Variants in RAP1GAP observed in about 807,000 individuals in gnomAD.
RAP1GAP encodes rap1 GTPase-activating protein 1.
In RAP1GAP, 35 loss-of-function variants were observed where a neutral mutation model predicts 87.2. The observed-to-expected ratio is 0.40, with a 90% confidence interval of 0.31 to 0.53. The LOEUF (loss-of-function observed/expected upper bound fraction) is 0.53. Among genes scored for constraint, RAP1GAP ranks in the 20% least tolerant of loss-of-function variants. The pLI is 0.48. For synonymous variants in RAP1GAP, 375 were observed against 363.9 expected, an observed-to-expected ratio of 1.03 and a Z score of -0.35; for missense variants, 734 against 898.9, an observed-to-expected ratio of 0.82 and a Z score of 2.35.
At chr1:21,602,753 G>T (rs2148769908) in intron 19 of RAP1GAP, 51 bp downstream of exon 19, 1 of 1,497,530 alleles carries the variant, frequency 6.7e-7, no homozygotes. Flanking sequence ...ACCGAATGGG[G>T]CTCAGGGATG....
chr1:21,646,401 G>A (rs74062910), intron 2 of RAP1GAP, among the ~76,000 whole-genome samples: 4,345 of 152,288 alleles, frequency 0.029, 96 homozygotes, highest in African/African-American at 0.067. Flanking sequence ...AGAAGAGCTG[G>A]ATTCAAATCC....
intron 1 of RAP1GAP, among the ~76,000 whole-genome samples, chr1:21,667,844 C>T (rs1170527637): frequency 6.6e-6 from 1 of 152,168 alleles, no homozygotes; most frequent in Non-Finnish European, 1.5e-5. Flanking sequence ...GGAAATTGCT[C>T]GTGCCACCTG....
intron 1 of RAP1GAP, among the ~76,000 whole-genome samples, chr1:21,658,541 C>T (rs1377045563): frequency 6.6e-6 from 1 of 151,840 alleles, no homozygotes; most frequent in Non-Finnish European, 1.5e-5. Flanking sequence ...ACACTCTAGC[C>T]TGGAGTTTTT....
intron 2 of RAP1GAP, among the ~76,000 whole-genome samples, chr1:21,628,010 C>T (rs532350720): frequency 3.9e-5 from 6 of 152,156 alleles, no homozygotes; most frequent in Non-Finnish European, 5.9e-5. Flanking sequence ...AAACATTCAT[C>T]GCAGAGCCTG....
chr1:21,649,281 G>T (rs112515551), intron 2 of RAP1GAP, among the ~76,000 whole-genome samples: 5 of 152,260 alleles, frequency 3.3e-5, no homozygotes, highest in African/African-American at 1.2e-4. Flanking sequence ...CTGTCGGGGG[G>T]AGTAACTAGA....
intron 1 of RAP1GAP, among the ~76,000 whole-genome samples, chr1:21,653,518 C>T (rs759411131): frequency 1.5e-4 from 22 of 151,490 alleles, no homozygotes; most frequent in Admixed American, 1.2e-3. Context: ...CCTGAGAGCA[C>T]TGAAGTTTGC....
intron 2 of RAP1GAP, among the ~76,000 whole-genome samples, chr1:21,647,827 T>C (rs1259103928): frequency 6.6e-6 from 1 of 151,822 alleles, no homozygotes; most frequent in Non-Finnish European, 1.5e-5. Flanking sequence ...CAACAAATGG[T>C]GACAAAGTTG....
chr1:21,606,287 C>A, intron 17 of RAP1GAP, 90 bp from the exon 18 acceptor site: 1 of 1,487,430 alleles, frequency 6.7e-7, no homozygotes, highest in South Asian at 1.2e-5. Flanking sequence ...TGGTCTCTCC[C>A]CAGCAATGCC....
At chr1:21,600,348 C>G (rs894552510) in intron 20 of RAP1GAP, among the ~76,000 whole-genome samples, 1 of 152,202 alleles carries the variant, frequency 6.6e-6, no homozygotes, top group Non-Finnish European at 1.5e-5. Flanking sequence ...GCCACCCTTT[C>G]CTGCCTCTCT....
chr1:21,656,185 C>T (rs982482799), intron 1 of RAP1GAP, among the ~76,000 whole-genome samples: 1 of 152,168 alleles, frequency 6.6e-6, no homozygotes, highest in Non-Finnish European at 1.5e-5. Context: ...GTGATCCCAG[C>T]ATTTTGGGAG....
At chr1:21,618,419 G>C (rs560196594) in intron 5 of RAP1GAP, among the ~76,000 whole-genome samples, 1 of 152,116 alleles carries the variant, frequency 6.6e-6, no homozygotes, top group Admixed American at 6.5e-5. Context: ...ACCAGGCCTG[G>C]TCTTCTAGGG....
At chr1:21,651,979 G>A (rs1341795108) in intron 1 of RAP1GAP, 3 of 488,194 alleles carry the variant, frequency 6.1e-6, no homozygotes, top group Non-Finnish European at 8.0e-6. Flanking sequence ...GGGGGCCGCC[G>A]GCGCAGAAAG....
At chr1:21,642,906 A>ACACACACACACACACACACACT (rs1164354455) in intron 2 of RAP1GAP, among the ~76,000 whole-genome samples, 2 of 150,870 alleles carry the variant, frequency 1.3e-5, no homozygotes, top group African/African-American at 4.9e-5. Flanking sequence ...ACACACACAC[A>ACACACACACACACACACACACT]CACACACACT....
rs148718166 is a variant in RAP1GAP, at chr1:21,652,953, G to T, written c.-148-3157C>A. ...ATTTTCTGTTTAAACAAACTGCAGGGCACAGATGCAGCCGGGGATGAGGGA... is the reference window on the plus strand; with the variant it reads ...ATTTTCTGTTTAAACAAACTGCAGGTCACAGATGCAGCCGGGGATGAGGGA... On this transcript the variant is annotated intron_variant, in intron 1 of 24. Transcript: ENST00000374765. 6.1e-3 allele frequency among the ~76,000 whole-genome samples: 922 copies of T among 152,288 alleles called. 6 individuals are homozygous for T. The highest frequency in any genetic ancestry group is 0.021 in the African/African-American group (880 of 41,554).
intron 1 of RAP1GAP, among the ~76,000 whole-genome samples, chr1:21,661,006 C>T (rs1390390422): frequency 6.6e-6 from 1 of 152,122 alleles, no homozygotes; most frequent in Non-Finnish European, 1.5e-5. Flanking sequence ...AATCCCAGCA[C>T]TTTGAGAGAC....
At chr1:21,619,980 T>C (rs777227002) in intron 4 of RAP1GAP, 35 bp downstream of exon 4, 2 of 1,611,340 alleles carry the variant, frequency 1.2e-6, no homozygotes, top group East Asian at 2.2e-5. Context: ...GCCAGCTCTG[T>C]GGCTCCCCAG....
rs566033183 is a variant in RAP1GAP at position 21,607,186 on chromosome 1, C to T, written c.1297-989G>A. Among the ~76,000 whole-genome samples, 3 of 152,300 alleles carry T rather than the reference C, an allele frequency of 2.0e-5. No individual in the cohort carries two copies. In the South Asian group the frequency reaches 6.2e-4, roughly 32 times the overall value. On this transcript the variant is annotated intron_variant, in intron 17 of 24. Transcript: ENST00000374765. ...GGAGGAGACGGTGGCAAAAAGGCTA[C>T]CACCTGGGGCCCTGTGGCCTGAGTG...
At chr1:21,597,761 C>T (rs1188880083) in intron 23 of RAP1GAP, 33 bp from the exon 24 acceptor site, 2 of 1,612,526 alleles carry the variant, frequency 1.2e-6, no homozygotes, top group East Asian at 2.2e-5. Context: ...AGGCAGGTGG[C>T]AAGACGGGAG....
At chr1:21,620,125 C>G (rs1389341896) in intron 3 of RAP1GAP, 75 bp from the exon 4 acceptor site, 3 of 1,530,412 alleles carry the variant, frequency 2.0e-6, no homozygotes, top group Non-Finnish European at 2.7e-6. Flanking sequence ...CGCCCCGGCC[C>G]TCCGGGTCCC....
Sources: gnomAD v4.1 joint callset for allele counts (sites outside exome capture counted in the v4.1 genomes callset) on GRCh38, gnomAD v4.1.1 for gene constraint, MANE v1.5 for transcripts, NCBI Gene and HGNC (gene_info 2026-07-23, HGNC 2026-07-21) for gene names.